PRSS41: variants seen among roughly 807,000 people sequenced by gnomAD.
PRSS41 encodes protease, serine 41.
In PRSS41, 37 loss-of-function variants were observed where a neutral mutation model predicts 28.8. The ratio of observed to expected loss-of-function variants is 1.29; its 90% CI spans 0.99 to 1.69. The LOEUF (loss-of-function observed/expected upper bound fraction) is 1.69, where lower values mean the gene tolerates loss of function less well. Among genes scored for constraint, PRSS41 ranks in the 40% most tolerant of loss-of-function variants. The pLI, the probability that PRSS41 is intolerant of heterozygous loss-of-function variation, is 0.00. For synonymous variants in PRSS41, 195 were observed against 163.1 expected, an observed-to-expected ratio of 1.20 and a Z score of -1.49; for missense variants, 431 against 400.7, an observed-to-expected ratio of 1.08 and a Z score of -0.65.
chr16:2,799,199 G>C, intron 3 of PRSS41, 75 bp downstream of exon 3: 3 of 1,514,504 alleles, frequency 2.0e-6, no homozygotes, highest in Non-Finnish European at 1.8e-6. Context: ...CCACCCAGCA[G>C]CTTGGCCTCA....
At chr16:2,801,692 G>C (rs992069133) in intron 4 of PRSS41, among the ~76,000 whole-genome samples, 1 of 151,748 alleles carries the variant, frequency 6.6e-6, no homozygotes, top group Non-Finnish European at 1.5e-5. Flanking sequence ...CAAGGCAGAA[G>C]AATTTTTCTT....
At chr16:2,804,213 G>A (rs759800604) in intron 4 of PRSS41, among the ~76,000 whole-genome samples, 176 bp from the exon 5 acceptor site, 6 of 152,194 alleles carry the variant, frequency 3.9e-5, no homozygotes, top group Non-Finnish European at 8.8e-5. Flanking sequence ...GTTATTCTGT[G>A]ATATTGTTGA....
chr16:2,799,113 C>A, exon 3 of PRSS41: 1 of 1,524,064 alleles, frequency 6.6e-7, no homozygotes, highest in Non-Finnish European at 8.8e-7. Flanking sequence ...CGGCTGCGCA[C>A]TGCTTCCAAA....
At chr16:2,800,917 CT>C (rs796280606) in intron 4 of PRSS41, among the ~76,000 whole-genome samples, 2 of 152,216 alleles carry the variant, frequency 1.3e-5, no homozygotes, top group African/African-American at 4.8e-5. Context: ...TTTCTATGAG[CT>C]TTTTTTCTAT....
intron 4 of PRSS41, among the ~76,000 whole-genome samples, chr16:2,802,567 G>T (rs1376269895): frequency 6.6e-6 from 1 of 152,196 alleles, no homozygotes; most frequent in Non-Finnish European, 1.5e-5. Context: ...CCGAGATCAC[G>T]CCACTGCACT....
chr16:2,805,064 T>C (rs139573477), exon 6 of PRSS41: 1 of 1,552,540 alleles, frequency 6.4e-7, no homozygotes, highest in East Asian at 2.4e-5. Context: ...GAGGGTGATG[T>C]CCCACAGTAC....
exon 4 of PRSS41, chr16:2,799,288 A>C: frequency 6.4e-7 from 1 of 1,551,370 alleles, no homozygotes; most frequent in Non-Finnish European, 8.7e-7. Context: ...TCTGCTAGGC[A>C]CTACTATCCC....
chr16:2,798,974 G>A (rs746801668), exon 3 of PRSS41: 3 of 1,311,036 alleles, frequency 2.3e-6, no homozygotes, highest in South Asian at 2.5e-5. Flanking sequence ...TGCGGCCACC[G>A]GGAAATTCAC....
chr16:2,798,908 G>GGGCCCCCC, intron 2 of PRSS41, 51 bp from the exon 3 acceptor site: 2 of 1,415,398 alleles, frequency 1.4e-6, no homozygotes, highest in African/African-American at 1.5e-5. Flanking sequence ...GGGCGGGCCT[G>GGGCCCCCC]CCCACCCCAC....
intron 4 of PRSS41, among the ~76,000 whole-genome samples, chr16:2,802,850 G>A (rs2068998858): frequency 6.6e-6 from 1 of 151,370 alleles, no homozygotes; most frequent in Non-Finnish European, 1.5e-5. Flanking sequence ...CCGCATGAGA[G>A]GGAGACCGTG....
intron 4 of PRSS41, among the ~76,000 whole-genome samples, chr16:2,799,889 T>C (rs1317940434): frequency 2.0e-5 from 3 of 152,328 alleles, no homozygotes; most frequent in Middle Eastern, 3.4e-3. Context: ...CCTCAGGCAA[T>C]GATTTTTAAA....
chr16:2,802,045 C>T (rs1217353871), intron 4 of PRSS41, among the ~76,000 whole-genome samples: 282 of 146,642 alleles, frequency 1.9e-3, no homozygotes, highest in Middle Eastern at 3.5e-3. Flanking sequence ...CCCTCCCGGA[C>T]GGGGTGGCTG....
chr16:2,798,484 C>T (rs2068961740), upstream of PRSS41: 3 of 1,504,796 alleles, frequency 2.0e-6, no homozygotes, highest in East Asian at 5.3e-5. Flanking sequence ...GAGAGGAGGC[C>T]ATGGGCGCGC....
exon 4 of PRSS41, chr16:2,799,534 G>C (rs1386026324): frequency 1.9e-6 from 3 of 1,551,774 alleles, no homozygotes; most frequent in Non-Finnish European, 2.6e-6. Flanking sequence ...CCGGACTGCT[G>C]GGTGACCGGC....
intron 4 of PRSS41, among the ~76,000 whole-genome samples, chr16:2,803,872 T>C (rs1415693563): frequency 1.3e-5 from 2 of 152,260 alleles, no homozygotes; most frequent in Non-Finnish European, 2.9e-5. Flanking sequence ...GTATCACTTC[T>C]CTCTCCATGT....
At chr16:2,803,956 C>CTA (rs1007749356) in intron 4 of PRSS41, among the ~76,000 whole-genome samples, 100 of 152,056 alleles carry the variant, frequency 6.6e-4, no homozygotes, top group African/African-American at 2.4e-3. Flanking sequence ...TGTGTTTATC[C>CTA]TGTGGAATTT....
exon 6 of PRSS41, chr16:2,805,090 C>A: frequency 6.4e-7 from 1 of 1,551,830 alleles, no homozygotes; most frequent in Non-Finnish European, 8.7e-7. Context: ...GGCCAAACCC[C>A]TCCCAGCTGT....
At chr16:2,801,227 C>G (rs534192189) in intron 4 of PRSS41, among the ~76,000 whole-genome samples, 1 of 151,942 alleles carries the variant, frequency 6.6e-6, no homozygotes, top group Non-Finnish European at 1.5e-5. Flanking sequence ...GTCAATTTTG[C>G]TTTATATGTT....
chr16:2,799,167 C>A, intron 3 of PRSS41, 43 bp downstream of exon 3: 1 of 1,506,588 alleles, frequency 6.6e-7, no homozygotes. Flanking sequence ...TGCTAATGGC[C>A]TCCAGGATGA....
Sources: allele counts gnomAD v4.1 joint callset (sites outside exome capture counted in the v4.1 genomes callset), GRCh38; gene constraint gnomAD v4.1.1; transcripts MANE v1.5; gene names NCBI Gene and HGNC (gene_info 2026-07-23, HGNC 2026-07-21).